Variants in STK32A observed in about 807,000 individuals in gnomAD.
STK32A encodes serine/threonine-protein kinase 32A.
A neutral mutation model predicts 53.2 loss-of-function variants in STK32A; 41 were observed. That is an observed-to-expected ratio of 0.77 (90% CI 0.60 to 1.00). STK32A has a LOEUF of 1.00. Among genes scored for constraint, STK32A ranks in the 50% least tolerant of loss-of-function variants. The probability of loss-of-function intolerance (pLI) is 0.00; values close to 1 mark genes in which losing one functional copy is unlikely to be tolerated. For missense variants in STK32A, 458 were observed against 485.8 expected (o/e 0.94, Z 0.54); for synonymous variants, 166 against 162.8 (o/e 1.02, Z -0.15).
chr5:147,282,713 T>C (rs965319867), intron 4 of STK32A, among the ~76,000 whole-genome samples: 1 of 152,144 alleles, frequency 6.6e-6, no homozygotes, highest in Non-Finnish European at 1.5e-5. Context: ...CATTATATAA[T>C]GGTAAAAGGC....
At chr5:147,372,294 T>C (rs1239230298) in intron 9 of STK32A, among the ~76,000 whole-genome samples, 1 of 144,942 alleles carries the variant, frequency 6.9e-6, no homozygotes, top group African/African-American at 2.6e-5. Context: ...TTTTTTTTTT[T>C]TTTTTGAGGA....
intron 2 of STK32A, among the ~76,000 whole-genome samples, chr5:147,256,842 A>G (rs188554046): frequency 9.9e-4 from 151 of 152,112 alleles, no homozygotes; most frequent in African/African-American, 3.6e-3. Flanking sequence ...TACAATAGCT[A>G]TCTTGGTCTT....
chr5:147,379,376 A>G (rs1341044856), intron 11 of STK32A, among the ~76,000 whole-genome samples: 1 of 152,078 alleles, frequency 6.6e-6, no homozygotes, highest in Admixed American at 6.6e-5. Context: ...ATAAACTAGA[A>G]GAACATAACT....
At chr5:147,289,081 G>A (rs1161330039) in intron 4 of STK32A, among the ~76,000 whole-genome samples, 1 of 152,076 alleles carries the variant, frequency 6.6e-6, no homozygotes, top group Non-Finnish European at 1.5e-5. Flanking sequence ...CTTGGCCCCA[G>A]GACATCATGG....
At chr5:147,350,506 C>T (rs916059477) in intron 6 of STK32A, among the ~76,000 whole-genome samples, 2 of 151,902 alleles carry the variant, frequency 1.3e-5, no homozygotes, top group East Asian at 1.9e-4. Context: ...GGATTACAGG[C>T]ACCCATCACC....
intron 4 of STK32A, among the ~76,000 whole-genome samples, chr5:147,295,900 A>T (rs11744519): frequency 0.091 from 13,932 of 152,278 alleles, 672 homozygotes; most frequent in Middle Eastern, 0.14. Context: ...CTAAGGGAGC[A>T]GGTGTATATA....
At chr5:147,282,057 GA>G (rs1561690957) in intron 4 of STK32A, among the ~76,000 whole-genome samples, 1 of 152,154 alleles carries the variant, frequency 6.6e-6, no homozygotes. Context: ...CAAATGCTGA[GA>G]GAAATTGCCA....
At chr5:147,256,518 T>C (rs1257676682) in intron 2 of STK32A, among the ~76,000 whole-genome samples, 1 of 152,166 alleles carries the variant, frequency 6.6e-6, no homozygotes, top group Admixed American at 6.5e-5. Flanking sequence ...TGTTGTTTTG[T>C]TTTGTTTTTT....
chr5:147,279,304 A>G lies in STK32A; in HGVS notation c.166A>G (p.Lys56Glu). 6.2e-7 allele frequency: 1 copy of G among 1,614,004 alleles called. No homozygotes were observed. Among genetic ancestry groups the G allele is most frequent in the Non-Finnish European group, 8.5e-7 (1 of 1,179,866 alleles). Residue 56 changes from lysine to glutamate, a missense_variant, in exon 4 of 13, where the codon AAA (lysine) becomes GAA (glutamate). Physicochemically the swap from Lys to Glu is moderately conservative, Grantham distance 56 (BLOSUM62 1). Transcript: ENST00000397936. ...GATGTACGCAATGAAGTACATGAAT[A>G]AACAAAAGTGCGTGGAGCGCAATGA... is the stretch of plus-strand genomic sequence containing the variant. ...KKMYAMKYMN[K>E]QKCVERNEVR...
At chr5:147,322,812 C>G (rs1754382194) in intron 4 of STK32A, among the ~76,000 whole-genome samples, 1 of 151,956 alleles carries the variant, frequency 6.6e-6, no homozygotes, top group Non-Finnish European at 1.5e-5. Context: ...TTCTCATTTC[C>G]TCTTCTAATT....
intron 2 of STK32A, among the ~76,000 whole-genome samples, chr5:147,271,069 C>T (rs769092066): frequency 1.7e-4 from 26 of 151,868 alleles, no homozygotes; most frequent in Non-Finnish European, 3.4e-4. Flanking sequence ...AGTCTTGGCT[C>T]ACTGCAATGT....
At chr5:147,272,505 A>G (rs1434087081) in intron 2 of STK32A, among the ~76,000 whole-genome samples, 1 of 152,266 alleles carries the variant, frequency 6.6e-6, no homozygotes, top group Non-Finnish European at 1.5e-5. Flanking sequence ...ATGAATGGAC[A>G]GAGGCAATGT....
At chr5:147,270,563 T>C (rs1754985560) in intron 2 of STK32A, among the ~76,000 whole-genome samples, 2 of 152,164 alleles carry the variant, frequency 1.3e-5, no homozygotes, top group African/African-American at 2.4e-5. Flanking sequence ...GAAAAAATAC[T>C]CCTGAGATAT....
intron 4 of STK32A, among the ~76,000 whole-genome samples, chr5:147,307,878 G>A (rs913777424): frequency 6.6e-6 from 1 of 152,002 alleles, no homozygotes; most frequent in Non-Finnish European, 1.5e-5. Context: ...TCCTGACTCT[G>A]TTCCATTGAT....
intron 5 of STK32A, among the ~76,000 whole-genome samples, chr5:147,333,115 C>A (rs1754951500): frequency 1.3e-5 from 2 of 152,146 alleles, no homozygotes; most frequent in Admixed American, 6.5e-5. Context: ...CAGGTTTAGT[C>A]ATTTAACACA....
chr5:147,308,926 T>C (rs1753555847), intron 4 of STK32A, among the ~76,000 whole-genome samples: 1 of 150,602 alleles, frequency 6.6e-6, no homozygotes. Context: ...TTGTTTTTTA[T>C]ATTTTTTATA....
intron 7 of STK32A, among the ~76,000 whole-genome samples, chr5:147,354,228 A>G (rs1273335761): frequency 6.6e-6 from 1 of 152,160 alleles, no homozygotes; most frequent in Non-Finnish European, 1.5e-5. Context: ...CCTAAAACCT[A>G]TGGTACTCAA....
In STK32A at chr5:147,387,265, C is replaced by G. The variant is rs1757697722; in HGVS notation, c.*3282C>G. 6.6e-6 allele frequency: 1 copy of G among 152,282 alleles called. No homozygotes were observed. The highest frequency in any genetic ancestry group is 2.4e-5 in the African/African-American group (1 of 41,460). The allele number at this position is 152,282 out of a possible 1,614,324, so 9.4% of individuals were successfully genotyped here. A position where few individuals can be genotyped will look rare whatever the true frequency, so the allele number is the denominator to read the frequency against. On this transcript the variant is annotated 3_prime_UTR_variant, in exon 13 of 13. Transcript: ENST00000397936. ...ATTCCAGGAAGTCGTCTGCTAATGG[C>G]TAACCCACTGCCATGGTGGCACTGG...
intron 4 of STK32A, among the ~76,000 whole-genome samples, chr5:147,301,277 G>C (rs913651383): frequency 7.8e-6 from 1 of 128,266 alleles, no homozygotes; most frequent in Admixed American, 8.7e-5. Flanking sequence ...AGAATGCCTG[G>C]TTGTTTATTT....
Sources: gnomAD v4.1 joint callset for allele counts (sites outside exome capture counted in the v4.1 genomes callset) on GRCh38, gnomAD v4.1.1 for gene constraint, MANE v1.5 for transcripts, NCBI Gene and HGNC (gene_info 2026-07-23, HGNC 2026-07-21) for gene names.